The following PRICKLE3 variants were observed in gnomAD, a reference collection of about 807,000 sequenced individuals.
PRICKLE3 encodes the protein prickle planar cell polarity protein 3, also known as LIM domain only protein 6.
PRICKLE3 carries 17 observed loss-of-function variants against 33.8 expected under a neutral mutation model. That is an observed-to-expected ratio of 0.50 (90% confidence interval 0.34 to 0.75). The LOEUF (loss-of-function observed/expected upper bound fraction) is 0.75, where lower values mean the gene tolerates loss of function less well. PRICKLE3 is among the 30% of genes least tolerant of loss of function. PRICKLE3 has a pLI of 0.01. For missense variants in PRICKLE3, 573 were observed against 576.7 expected (o/e 0.99, Z 0.07); for synonymous variants, 211 against 219.6 (o/e 0.96, Z 0.34).
Position 49,183,748 on chromosome X carries a change from GGCC to G in PRICKLE3, c.295_297del (p.Gly99del). 1.7e-6 allele frequency: 2 copies of G among 1,211,879 alleles called. No homozygotes were observed. The highest frequency in any genetic ancestry group is 2.2e-6 in the Non-Finnish European group (2 of 895,461). On this transcript the variant is annotated inframe_deletion, in exon 3 of 9. Transcript: ENST00000599218. ...CCTCTGGTCACCTGCTCCGGCTTAAGGCCTGGGGGCACCCAGGCATACTCCTCC... is the reference window on the plus strand; with the variant it reads ...CCTCTGGTCACCTGCTCCGGCTTAAGTGGGGGCACCCAGGCATACTCCTCC...
chrX:49,185,050 T>C, intron 1 of PRICKLE3: 1 of 216,825 alleles, frequency 4.6e-6, no homozygotes, highest in Non-Finnish European at 6.7e-6. Flanking sequence ...CTATAATTCA[T>C]TGTACTCTCC....
chrX:49,178,061 C>T lies in PRICKLE3; in HGVS notation c.887G>A (p.Arg296His), dbSNP rs186856741. ...GGQRYVMRQS[R>H]PHCCACYEAR... ...CTCGTAGCAGGCGCAGCAGTGGGGGCGGCTCTGACGCATGACATAGCGCTG... is the reference window on the plus strand; with the variant it reads ...CTCGTAGCAGGCGCAGCAGTGGGGGTGGCTCTGACGCATGACATAGCGCTG... The change falls in exon 7 of 9, where the codon CGC (arginine) becomes CAC (histidine). Residue 296 changes from arginine (R) to histidine (H), a missense_variant. Arg to His is a conservative substitution (Grantham distance 29). Transcript: ENST00000599218. 7.7e-6 allele frequency: 9 copies of T among 1,163,249 alleles called. No individual in the cohort carries two copies. The highest frequency in any genetic ancestry group is 6.0e-5 in the South Asian group (3 of 49,897).
In PRICKLE3 at chrX:49,176,920, C is replaced by A. The variant is rs1557100124; in HGVS notation, c.1238G>T (p.Ser413Ile). Residue 413 changes from serine to isoleucine, a missense_variant, in exon 8 of 9, where the codon AGC becomes ATC. Physicochemically the swap from Ser to Ile is moderately radical, Grantham distance 142. Transcript: ENST00000599218. ...TAGCTCACCTGGCGCTAACTCTGTG[C>A]TGGTGCCTTTGGTGGTGGTCTCTGA... is the stretch of plus-strand genomic sequence containing the variant. ...GASETTTKGT[S>I]TELAPATGPE... 1 of 1,199,460 alleles carries A rather than the reference C, an allele frequency of 8.3e-7. No homozygotes were observed. The highest frequency in any genetic ancestry group is 1.1e-6 in the Non-Finnish European group (1 of 890,223).
At chrX:49,179,459 A>G in intron 4 of PRICKLE3, 71 bp from the exon 5 acceptor site, 1 of 1,166,586 alleles carries the variant, frequency 8.6e-7, no homozygotes. Context: ...GACTTCATCC[A>G]TGCCCCGAAA....
At chrX:49,177,241 C>A in intron 7 of PRICKLE3, 39 bp from the exon 8 acceptor site, 1 of 1,091,586 alleles carries the variant, frequency 9.2e-7, no homozygotes, top group Non-Finnish European at 1.2e-6. Context: ...GAGGCAGAAC[C>A]CCCAGGCGTA....
chrX:49,181,485 ATGTATACATATG>A (rs1480836924), intron 3 of PRICKLE3, among the ~76,000 whole-genome samples: 1 of 92,231 alleles, frequency 1.1e-5, no homozygotes, highest in African/African-American at 4.0e-5. Context: ...ATGTATATAG[ATGTATACATATG>A]TGTATATATA....
chrX:49,184,125 G>A (rs1319049711), intron 2 of PRICKLE3, among the ~76,000 whole-genome samples: 1 of 110,365 alleles, frequency 9.1e-6, no homozygotes, highest in Non-Finnish European at 1.9e-5. Flanking sequence ...AGGACAGGTC[G>A]TGGGGAGTGG....
Position 49,174,809 on chromosome X carries a change from TA to T in PRICKLE3, c.*863del. Reference sequence around the variant, plus strand: ...ACCAACTCCCACCCCCTCTTTGAGGTAAAAGTGCCTTTATTGGGAGACTTTT... The same window carrying T: ...ACCAACTCCCACCCCCTCTTTGAGGTAAAGTGCCTTTATTGGGAGACTTTT... On this transcript the variant is annotated 3_prime_UTR_variant, in exon 9 of 9. Transcript: ENST00000599218. 3.0e-6 allele frequency: 2 copies of T among 656,705 alleles called. No individual in the cohort carries two copies. Among genetic ancestry groups the T allele is most frequent in the Non-Finnish European group, 4.9e-6 (2 of 405,377 alleles). 54.1% of individuals were successfully genotyped at this position (656,705 alleles called of 1,213,427 possible).
chrX:49,177,053 C>T lies in PRICKLE3; in HGVS notation c.1105G>A (p.Gly369Arg). 2 of 1,208,649 alleles carry T rather than the reference C, an allele frequency of 1.7e-6. No individual in the cohort carries two copies. The highest frequency in any genetic ancestry group is 2.2e-6 in the Non-Finnish European group (2 of 893,893). ...GGCCCTGGAGCTGTGGGCTCGGACCCAAGGCTGCAGGCTCGAGAGCAGAAG... is the reference window on the plus strand; with the variant it reads ...GGCCCTGGAGCTGTGGGCTCGGACCTAAGGCTGCAGGCTCGAGAGCAGAAG... ...LIFCSRACSL[G>R]SEPTAPGPSR... The change falls in exon 8 of 9, where the codon GGG becomes AGG. Residue 369 changes from glycine to arginine, a missense_variant. Physicochemically the swap from Gly to Arg is moderately radical, Grantham distance 125 (BLOSUM62 -2). Coordinates refer to ENST00000599218, the MANE Select transcript of PRICKLE3 (RefSeq NM_006150.5).
chrX:49,179,917 T>C (rs2065440089), intron 3 of PRICKLE3, 111 bp from the exon 4 acceptor site: 1 of 436,320 alleles, frequency 2.3e-6, no homozygotes. Flanking sequence ...GGAGGGACCT[T>C]CTGACTCCCT....
intron 3 of PRICKLE3, 180 bp downstream of exon 3, chrX:49,183,554 C>T: frequency 9.7e-7 from 1 of 1,031,434 alleles, no homozygotes; most frequent in Non-Finnish European, 1.3e-6. Context: ...GTCCCTCAGT[C>T]ACCCAAGGTA....
intron 3 of PRICKLE3, among the ~76,000 whole-genome samples, chrX:49,181,634 C>CAT (rs1332444890): frequency 4.4e-4 from 2 of 4,539 alleles, no homozygotes; most frequent in Non-Finnish European, 1.0e-3. Flanking sequence ...TATATACACA[C>CAT]ACATATATAT....
chrX:49,182,996 G>A (rs1014261621), intron 3 of PRICKLE3, among the ~76,000 whole-genome samples: 1 of 111,111 alleles, frequency 9.0e-6, no homozygotes, highest in African/African-American at 3.3e-5. Context: ...GCTAATTTTT[G>A]TACTTTTAGT....
intron 5 of PRICKLE3, 152 bp downstream of exon 5, chrX:49,179,099 G>T: frequency 1.3e-6 from 1 of 752,330 alleles, no homozygotes; most frequent in Non-Finnish European, 1.9e-6. Flanking sequence ...GAGATGTGAG[G>T]AACAGACCCC....
intron 2 of PRICKLE3, 50 bp from the exon 3 acceptor site, chrX:49,183,967 C>T (rs1235206395): frequency 8.5e-7 from 1 of 1,170,457 alleles, no homozygotes; most frequent in South Asian, 2.0e-5. Flanking sequence ...CCCACCCGAA[C>T]CCCTCGGCAG....
chrX:49,185,592 C>T (rs1292086008), intron 1 of PRICKLE3, among the ~76,000 whole-genome samples: 2 of 111,073 alleles, frequency 1.8e-5, no homozygotes, highest in Non-Finnish European at 3.8e-5. Context: ...CTCCAAGGTA[C>T]TGTGTCCTTT....
At position 49,184,678 on chromosome X, in the gene PRICKLE3, C is replaced by T; in HGVS notation, c.75G>A (p.Gln25=). ...PPEAEDPDRG[Q]PCNSCREQCP... is the part of the protein sequence containing the mutation. Reference sequence around the variant, plus strand: ...ACTGCTCCCTACAGGAGTTGCAGGGCTGGCCCCGGTCTGGGTCCTCTGCCT... The same window carrying T: ...ACTGCTCCCTACAGGAGTTGCAGGGTTGGCCCCGGTCTGGGTCCTCTGCCT... Residue 25 remains glutamine, a synonymous_variant, in exon 2 of 9, where the codon CAG becomes CAA. Coordinates refer to ENST00000599218, the MANE Select transcript of PRICKLE3 (RefSeq NM_006150.5). The T allele has an allele frequency of 8.7e-7, 1 of 1,154,771 alleles. No homozygotes were observed. Among genetic ancestry groups the T allele is most frequent in the East Asian group, 3.3e-5 (1 of 30,271 alleles).
At chrX:49,181,378 A>ATG (rs1477694373) in intron 3 of PRICKLE3, among the ~76,000 whole-genome samples, 53 of 88,679 alleles carry the variant, frequency 6.0e-4, no homozygotes, top group African/African-American at 1.9e-3. Context: ...ATATATATAT[A>ATG]TGTGTGTGTG....
chrX:49,179,955 T>C (rs1460401859), intron 3 of PRICKLE3, 149 bp from the exon 4 acceptor site: 3 of 392,275 alleles, frequency 7.6e-6, no homozygotes, highest in Non-Finnish European at 1.3e-5. Flanking sequence ...GGCGGATCAT[T>C]TCCCTCAGCT....
Sources: gnomAD v4.1 joint callset for allele counts (sites outside exome capture counted in the v4.1 genomes callset) on GRCh38, gnomAD v4.1.1 for gene constraint, MANE v1.5 for transcripts, NCBI Gene and HGNC (gene_info 2026-07-23, HGNC 2026-07-21) for gene names.